Variants in INPP4B observed in about 807,000 individuals in gnomAD.
The protein encoded by INPP4B is inositol polyphosphate 4-phosphatase type II.
Under a neutral mutation model 122.5 loss-of-function variants are expected in INPP4B, and 55 were observed. That is an observed-to-expected ratio of 0.45 (90% CI 0.36 to 0.56). INPP4B has a LOEUF of 0.56. INPP4B is among the 20% of genes least tolerant of loss of function. INPP4B has a pLI of 0.00. For synonymous variants in INPP4B, 403 were observed against 388.7 expected (o/e 1.04, Z -0.43); for missense variants, 1,000 against 1,097.7 (o/e 0.91, Z 1.26).
At chr4:142,656,737 A>T (rs1388174034) in intron 2 of INPP4B, among the ~76,000 whole-genome samples, 2 of 152,178 alleles carry the variant, frequency 1.3e-5, no homozygotes, top group Non-Finnish European at 2.9e-5. Context: ...AGGAATTTTT[A>T]AACTGCTTTT....
intron 9 of INPP4B, among the ~76,000 whole-genome samples, chr4:142,299,492 G>A (rs185632426): frequency 7.2e-4 from 108 of 150,854 alleles, no homozygotes; most frequent in Non-Finnish European, 1.3e-3. Context: ...GTGTTTTGAT[G>A]CATTGCTTTT....
Position 142,294,098 on chromosome 4 carries a change from C to T in INPP4B, c.503+11360G>A, listed in dbSNP as rs115059596. On this transcript the variant is annotated intron_variant, in intron 9 of 25. Coordinates refer to ENST00000262992, the MANE Select transcript of INPP4B (RefSeq NM_001101669.3). ...TAAATTACTCAATTGGTACAATATA[C>T]GCTATTCAGGGGATGGTTACATTAA... Among the ~76,000 whole-genome samples the T allele has an allele frequency of 1.7e-3, 255 of 152,222 alleles. 1 individual carries two copies. The highest frequency in any genetic ancestry group is 6.8e-3 in the Middle Eastern group (2 of 294).
At chr4:142,728,458 T>C (rs536634357) in intron 1 of INPP4B, among the ~76,000 whole-genome samples, 1 of 152,270 alleles carries the variant, frequency 6.6e-6, no homozygotes, top group South Asian at 2.1e-4. Context: ...CTGAATATGA[T>C]CTTATTCAGA....
intron 1 of INPP4B, among the ~76,000 whole-genome samples, chr4:142,829,290 T>C (rs1042807447): frequency 6.6e-6 from 1 of 151,940 alleles, no homozygotes; most frequent in Non-Finnish European, 1.5e-5. Context: ...ACAGCAATCA[T>C]ATAATGACCC....
At chr4:142,700,502 T>C (rs924228647) in intron 2 of INPP4B, among the ~76,000 whole-genome samples, 3 of 152,164 alleles carry the variant, frequency 2.0e-5, no homozygotes, top group Non-Finnish European at 4.4e-5. Context: ...CTTATTTCCA[T>C]CGTAGGATAG....
chr4:142,826,621 G>A (rs1421715818), intron 1 of INPP4B, among the ~76,000 whole-genome samples: 2 of 151,590 alleles, frequency 1.3e-5, no homozygotes, highest in African/African-American at 4.9e-5. Flanking sequence ...AACAAGTTCT[G>A]CCTCTCTGAT....
At chr4:142,618,696 C>A (rs1744220931) in intron 2 of INPP4B, among the ~76,000 whole-genome samples, 1 of 151,924 alleles carries the variant, frequency 6.6e-6, no homozygotes, top group African/African-American at 2.4e-5. Context: ...GCATATGACA[C>A]CAAAGCATAG....
At chr4:142,591,791 G>T (rs1737562655) in intron 2 of INPP4B, among the ~76,000 whole-genome samples, 1 of 152,116 alleles carries the variant, frequency 6.6e-6, no homozygotes, top group Admixed American at 6.5e-5. Flanking sequence ...CCTGACCTAT[G>T]CAAAAAGTCC....
At chr4:142,325,536 C>T (rs1771998131) in intron 7 of INPP4B, among the ~76,000 whole-genome samples, 1 of 151,962 alleles carries the variant, frequency 6.6e-6, no homozygotes, top group Non-Finnish European at 1.5e-5. Context: ...TTTCAAATGT[C>T]AAAGCACACT....
chr4:142,371,737 T>C (rs1425457187), intron 7 of INPP4B, among the ~76,000 whole-genome samples: 2 of 151,982 alleles, frequency 1.3e-5, no homozygotes, highest in East Asian at 1.9e-4. Context: ...TGAGATATCA[T>C]CTCACCCCAG....
rs575790447 is a variant in INPP4B, at chr4:142,553,118, C to T, written c.-190-90392G>A. On this transcript the variant is annotated intron_variant, in intron 2 of 25. Transcript: ENST00000262992. Reference sequence around the variant, plus strand: ...TGGTTTCTGTTCTGTTTTTCTAAAACTCCTCTCAGCTTTTTTTTAGTACTA... The same window carrying T: ...TGGTTTCTGTTCTGTTTTTCTAAAATTCCTCTCAGCTTTTTTTTAGTACTA... Among the ~76,000 whole-genome samples the T allele has an allele frequency of 1.7e-4, 26 of 152,014 alleles. No individual in the cohort carries two copies. The South Asian group carries it at 5.4e-3, about 32-fold the overall frequency.
chr4:142,538,476 T>C (rs937158317), intron 2 of INPP4B, among the ~76,000 whole-genome samples: 1 of 152,160 alleles, frequency 6.6e-6, no homozygotes, highest in Non-Finnish European at 1.5e-5. Context: ...TGAACCTTTA[T>C]ACTTCAACCA....
intron 15 of INPP4B, among the ~76,000 whole-genome samples, chr4:142,180,275 C>G (rs1318955479): frequency 1.3e-5 from 2 of 151,906 alleles, no homozygotes; most frequent in African/African-American, 4.8e-5. Context: ...ACAAATCTTT[C>G]CAACATATGA....
At position 142,173,789 on chromosome 4, in the gene INPP4B, T is replaced by C. The variant is rs148475836; in HGVS notation, c.1202A>G (p.Tyr401Cys). Residue 401 changes from tyrosine to cysteine, a missense_variant, in exon 16 of 26, where the codon TAC (tyrosine) becomes TGC (cysteine). Tyr to Cys is a radical substitution (Grantham distance 194). Transcript: ENST00000262992. Reference sequence around the variant, plus strand: ...TTTGGCTGTGTTTTCAGGTGAATAGTAAATAAACTGGTATCCGGTACTGCA... The same window carrying C: ...TTTGGCTGTGTTTTCAGGTGAATAGCAAATAAACTGGTATCCGGTACTGCA... ...ERRNTGYQFI[Y>C]YSPENTAKAK... 19 of 1,612,946 alleles carry C rather than the reference T, an allele frequency of 1.2e-5. No individual in the cohort carries two copies. Among genetic ancestry groups the C allele is most frequent in the Non-Finnish European group, 1.6e-5 (19 of 1,179,226 alleles).
intron 2 of INPP4B, among the ~76,000 whole-genome samples, chr4:142,496,339 T>G (rs1822564932): frequency 6.6e-6 from 1 of 152,280 alleles, no homozygotes; most frequent in African/African-American, 2.4e-5. Flanking sequence ...TCTGAGAAAC[T>G]TTCACATTGT....
At chr4:142,747,813 T>C (rs1366179499) in intron 1 of INPP4B, among the ~76,000 whole-genome samples, 2 of 151,080 alleles carry the variant, frequency 1.3e-5, no homozygotes, top group Non-Finnish European at 2.9e-5. Flanking sequence ...AACTGGGAGG[T>C]GAACAATAAG....
At chr4:142,419,585 C>G (rs1273033155) in intron 5 of INPP4B, among the ~76,000 whole-genome samples, 1 of 152,108 alleles carries the variant, frequency 6.6e-6, no homozygotes, top group Admixed American at 6.6e-5. Context: ...GTCACTTAAC[C>G]ACTCAAAGAT....
intron 23 of INPP4B, among the ~76,000 whole-genome samples, chr4:142,098,385 G>A (rs1037532502): frequency 6.6e-6 from 1 of 152,104 alleles, no homozygotes; most frequent in African/African-American, 2.4e-5. Context: ...AACAACATTG[G>A]GGGTTACTGG....
At chr4:142,807,227 A>G (rs941065445) in intron 1 of INPP4B, among the ~76,000 whole-genome samples, 3 of 152,200 alleles carry the variant, frequency 2.0e-5, no homozygotes, top group Non-Finnish European at 4.4e-5. Context: ...GGATATATAT[A>G]TAAGTAGAAA....
Sources: allele counts gnomAD v4.1 joint callset (sites outside exome capture counted in the v4.1 genomes callset), GRCh38; gene constraint gnomAD v4.1.1; transcripts MANE v1.5; gene names NCBI Gene and HGNC (gene_info 2026-07-23, HGNC 2026-07-21).